The following RMDN1 variants were observed in gnomAD, a reference collection of about 807,000 sequenced individuals.
RMDN1 encodes the protein regulator of microtubule dynamics 1, also known as regulator of microtubule dynamics protein 1.
Under a neutral mutation model 48.9 loss-of-function variants are expected in RMDN1, and 48 were observed. The observed-to-expected ratio is 0.98, with a 90% confidence interval of 0.78 to 1.25. RMDN1 has a LOEUF of 1.25. Among genes scored for constraint, RMDN1 ranks in the 50% most tolerant of loss-of-function variants. The pLI is 0.00. For missense variants in RMDN1, 418 were observed against 373.4 expected (o/e 1.12, Z -0.98); for synonymous variants, 148 against 132.6 (o/e 1.12, Z -0.80).
chr8:86,468,397 T>C, downstream of RMDN1: 1 of 452,196 alleles, frequency 2.2e-6, no homozygotes, highest in South Asian at 1.6e-5. Flanking sequence ...CAAATCCTTA[T>C]TATGAACACT....
chr8:86,501,441 G>A (rs1818199426), intron 2 of RMDN1, among the ~76,000 whole-genome samples: 1 of 152,152 alleles, frequency 6.6e-6, no homozygotes, highest in South Asian at 2.1e-4. Flanking sequence ...GGGAGGCTGA[G>A]GCAGGTGGAT....
intron 7 of RMDN1, 91 bp downstream of exon 7, chr8:86,478,832 A>T: frequency 1.0e-6 from 1 of 986,484 alleles, no homozygotes; most frequent in Non-Finnish European, 1.6e-6. Flanking sequence ...CAAGTCCCTC[A>T]CTGAATCAGA....
downstream of RMDN1, chr8:86,468,804 C>T (rs556286933): frequency 2.3e-6 from 1 of 436,834 alleles, no homozygotes; most frequent in South Asian, 1.6e-5. Context: ...AGGCAGAGCT[C>T]TTGATTTATC....
intron 2 of RMDN1, among the ~76,000 whole-genome samples, chr8:86,496,705 C>G (rs773708807): frequency 6.6e-6 from 1 of 152,192 alleles, no homozygotes; most frequent in South Asian, 2.1e-4. Flanking sequence ...GAGACTTCAA[C>G]ACTCCATTGA....
intron 2 of RMDN1, among the ~76,000 whole-genome samples, chr8:86,496,265 C>G (rs1026712736): frequency 6.6e-6 from 1 of 152,154 alleles, no homozygotes; most frequent in Non-Finnish European, 1.5e-5. Flanking sequence ...ACTAGCTAAC[C>G]ACATGATGAC....
chr8:86,494,835 A>T (rs529686054), intron 2 of RMDN1: 3 of 318,588 alleles, frequency 9.4e-6, no homozygotes, highest in African/African-American at 2.2e-5. Flanking sequence ...TTACCTGGGC[A>T]TCATGGCACA....
chr8:86,470,072 G>T, downstream of RMDN1: 1 of 997,584 alleles, frequency 1.0e-6, no homozygotes, highest in Non-Finnish European at 1.3e-6. Context: ...GAAATTGAGA[G>T]CTTTTAGGTT....
intron 2 of RMDN1, among the ~76,000 whole-genome samples, chr8:86,502,791 A>G (rs1818482921): frequency 6.6e-6 from 1 of 152,176 alleles, no homozygotes; most frequent in African/African-American, 2.4e-5. Context: ...CCAGAGAATA[A>G]AATATTTCAG....
At chr8:86,490,930 G>T (rs1816379494) in intron 2 of RMDN1, among the ~76,000 whole-genome samples, 2 of 151,940 alleles carry the variant, frequency 1.3e-5, no homozygotes, top group Admixed American at 6.6e-5. Context: ...GGCTGAGGTG[G>T]AAGGATCACT....
At chr8:86,472,015 G>A (rs1812638582), downstream of RMDN1, among the ~76,000 whole-genome samples, 1 of 152,158 alleles carries the variant, frequency 6.6e-6, no homozygotes, top group Non-Finnish European at 1.5e-5. Flanking sequence ...TTGAATATGG[G>A]TAGATATTAG....
chr8:86,479,554 A>C (rs1205239588), intron 6 of RMDN1, among the ~76,000 whole-genome samples: 1 of 152,346 alleles, frequency 6.6e-6, no homozygotes, highest in East Asian at 1.9e-4. Context: ...TCCTTAAGGC[A>C]GAAATTGCTA....
At chr8:86,494,260 T>C (rs1238409760) in intron 2 of RMDN1, among the ~76,000 whole-genome samples, 4 of 152,132 alleles carry the variant, frequency 2.6e-5, no homozygotes, top group Admixed American at 1.3e-4. Context: ...GAAAGTGGCA[T>C]AAAAACTTGT....
At chr8:86,470,198 A>C, downstream of RMDN1, 1 of 1,289,202 alleles carries the variant, frequency 7.8e-7, no homozygotes, top group South Asian at 1.2e-5. Context: ...CACTTAGAAC[A>C]CAGAGTACTA....
At chr8:86,505,395 G>A (rs1413036857) in intron 2 of RMDN1, 2 of 456,326 alleles carry the variant, frequency 4.4e-6, no homozygotes, top group African/African-American at 4.0e-5. Context: ...GGATATAGGA[G>A]AGGAAAAGTA....
intron 2 of RMDN1, among the ~76,000 whole-genome samples, chr8:86,490,692 T>C (rs1265862755): frequency 6.6e-6 from 1 of 152,146 alleles, no homozygotes; most frequent in Non-Finnish European, 1.5e-5. Flanking sequence ...TGAAAGAAAA[T>C]TAATATTAAA....
At chr8:86,475,153 A>G (rs965829955) in intron 8 of RMDN1, 200 bp from the exon 9 acceptor site, 20 of 502,562 alleles carry the variant, frequency 4.0e-5, no homozygotes, top group East Asian at 2.7e-4. Context: ...AACATCTACA[A>G]ATGTGCTAGG....
rs189532802 is a variant in RMDN1 at position 86,487,673 on chromosome 8, A to G, written c.335+879T>C. ...TCCTAACTTTATTTTTTTAACATAA[A>G]AAAAAATTTGAAGCTAAAGCTTCCT... is the stretch of plus-strand genomic sequence containing the variant. On this transcript the variant is annotated intron_variant, in intron 3 of 9. Transcript: ENST00000406452. Among the ~76,000 whole-genome samples the G allele has an allele frequency of 3.1e-3, 470 of 152,210 alleles. 2 individuals carry two copies. Among genetic ancestry groups the G allele is most frequent in the African/African-American group, 0.011 (449 of 41,562 alleles).
At chr8:86,479,511 A>G (rs1383492681) in intron 6 of RMDN1, among the ~76,000 whole-genome samples, 1 of 152,222 alleles carries the variant, frequency 6.6e-6, no homozygotes, top group Non-Finnish European at 1.5e-5. Context: ...TAAGTAGGAA[A>G]GAAAGTGTTG....
At chr8:86,504,150 C>T (rs961067989) in intron 2 of RMDN1, 1 of 1,357,442 alleles carries the variant, frequency 7.4e-7, no homozygotes, top group Non-Finnish European at 1.1e-6. Flanking sequence ...TATTATTGGG[C>T]TTTACCATCC....
Sources: gnomAD v4.1 joint callset for allele counts (sites outside exome capture counted in the v4.1 genomes callset) on GRCh38, gnomAD v4.1.1 for gene constraint, MANE v1.5 for transcripts, NCBI Gene and HGNC (gene_info 2026-07-23, HGNC 2026-07-21) for gene names.